Variants in HDAC4 observed in about 807,000 individuals in gnomAD.
HDAC4 encodes histone deacetylase A.
HDAC4 carries 16 observed loss-of-function variants against 135.1 expected under a neutral mutation model. The ratio of observed to expected loss-of-function variants is 0.12; its 90% CI spans 0.08 to 0.18. HDAC4 has a LOEUF of 0.18. Ranked by LOEUF, HDAC4 falls within the 10% of genes least tolerant of loss-of-function variation. HDAC4 has a pLI of 1.00. For missense variants in HDAC4, 1,143 were observed against 1,511.8 expected (o/e 0.76, Z 4.05); for synonymous variants, 685 against 653.4 (o/e 1.05, Z -0.74).
intron 1 of HDAC4, among the ~76,000 whole-genome samples, chr2:239,353,824 C>A (rs957325014): frequency 6.6e-6 from 1 of 152,124 alleles, no homozygotes; most frequent in African/African-American, 2.4e-5. Context: ...AGCACATTCC[C>A]ACCACAAAAT....
At chr2:239,168,788 C>CCA (rs1205949928) in intron 5 of HDAC4, among the ~76,000 whole-genome samples, 3 of 152,220 alleles carry the variant, frequency 2.0e-5, no homozygotes, top group Admixed American at 1.3e-4. Flanking sequence ...CACCACAAGA[C>CCA]CACACTCTGA....
rs1424437465 is a variant in HDAC4 at position 239,245,512 on chromosome 2, A to G, written c.23-8848T>C. ...ATCATGATTCCTTCTGCTGAGTGTGATAATGGGGTTGGATCTGTTAGAAAC... is the reference window on the plus strand; with the variant it reads ...ATCATGATTCCTTCTGCTGAGTGTGGTAATGGGGTTGGATCTGTTAGAAAC... On this transcript the variant is annotated intron_variant, in intron 2 of 26. Transcript: ENST00000543185. This position sits in a 1 kb window ranked among gnomAD's most constrained non-coding sequence, Gnocchi z 4.4. Among the ~76,000 whole-genome samples the G allele has an allele frequency of 6.6e-6, 1 of 152,198 alleles. No individual in the cohort carries two copies. The highest frequency in any genetic ancestry group is 1.5e-5 in the Non-Finnish European group (1 of 68,032).
At chr2:239,272,899 G>A (rs1349190021) in intron 2 of HDAC4, among the ~76,000 whole-genome samples, 2 of 152,162 alleles carry the variant, frequency 1.3e-5, no homozygotes, top group Admixed American at 6.5e-5. Context: ...CTATATTCCT[G>A]CAACGGCTTC....
At chr2:239,150,866 C>G (rs2042079104) in intron 7 of HDAC4, among the ~76,000 whole-genome samples, 2 of 148,844 alleles carry the variant, frequency 1.3e-5, no homozygotes, top group Non-Finnish European at 3.0e-5. Context: ...TCTCACCATG[C>G]TGCACCTCCG....
intron 2 of HDAC4, among the ~76,000 whole-genome samples, chr2:239,316,557 G>C (rs1412147822): frequency 6.6e-6 from 1 of 152,228 alleles, no homozygotes; most frequent in African/African-American, 2.4e-5. Flanking sequence ...GTAGTGAGCT[G>C]TGATTCTACC....
intron 16 of HDAC4, among the ~76,000 whole-genome samples, chr2:239,096,232 G>T (rs2037017448): frequency 6.6e-6 from 1 of 152,082 alleles, no homozygotes; most frequent in Non-Finnish European, 1.5e-5. Context: ...TGCCTGGCTG[G>T]GAAGAGCAAC....
At chr2:239,084,034 G>C in intron 20 of HDAC4, 121 bp downstream of exon 20, 1 of 747,446 alleles carries the variant, frequency 1.3e-6, no homozygotes, top group Non-Finnish European at 2.4e-6. Context: ...CTTTGAGACC[G>C]TTTCCAGAAA....
intron 1 of HDAC4, among the ~76,000 whole-genome samples, chr2:239,388,762 G>C (rs1471407201): frequency 1.3e-5 from 2 of 152,224 alleles, no homozygotes; most frequent in Non-Finnish European, 2.9e-5. Flanking sequence ...AGGGCCCCAG[G>C]CTTCTCTGCA....
chr2:239,054,676 G>A (rs945395741), intron 25 of HDAC4, 73 bp downstream of exon 25: 1 of 947,490 alleles, frequency 1.1e-6, no homozygotes, highest in Non-Finnish European at 1.7e-6. Flanking sequence ...GGTATAGGGG[G>A]ACAGGGATGG....
At chr2:239,263,248 G>A (rs947117406) in intron 2 of HDAC4, among the ~76,000 whole-genome samples, 2 of 150,156 alleles carry the variant, frequency 1.3e-5, no homozygotes, top group African/African-American at 4.9e-5. Context: ...CAGCCATCCC[G>A]AAGCCCGCCC....
At chr2:239,159,276 G>A (rs550538489) in intron 6 of HDAC4, among the ~76,000 whole-genome samples, 2 of 128,586 alleles carry the variant, frequency 1.6e-5, no homozygotes, top group Admixed American at 7.7e-5. Flanking sequence ...ACCCACTCAC[G>A]CCCACACCTC....
chr2:239,163,794 C>G lies in HDAC4; in HGVS notation c.611+9G>C. The G allele has an allele frequency of 1.2e-6, 2 of 1,614,106 alleles. No individual in the cohort carries two copies. Among genetic ancestry groups the G allele is most frequent in the Non-Finnish European group, 1.7e-6 (2 of 1,180,000 alleles). On this transcript the variant is annotated intron_variant, in intron 6 of 26. Coordinates refer to ENST00000543185, the MANE Select transcript of HDAC4 (RefSeq NM_001378414.1). The stretch of plus-strand genomic sequence containing the variant: ...AGGAGGCCGGGGTGCTCCCCACACC[C>G]ACACTTACCCGTACCAGTAGCGAGG...
chr2:239,389,737 C>T (rs544125233), intron 1 of HDAC4, among the ~76,000 whole-genome samples: 2 of 152,288 alleles, frequency 1.3e-5, no homozygotes, highest in Admixed American at 1.3e-4. Flanking sequence ...ACGCTACTGG[C>T]GGCTTTCCTC....
intron 4 of HDAC4, among the ~76,000 whole-genome samples, chr2:239,181,741 T>C (rs2044167007): frequency 6.6e-6 from 1 of 152,120 alleles, no homozygotes; most frequent in Admixed American, 6.5e-5. Context: ...TGCACCTAAA[T>C]ATTTAACCTC....
Position 239,146,789 on chromosome 2 carries a change from C to T in HDAC4, c.734-2075G>A, listed in dbSNP as rs1160914638. 1.3e-5 allele frequency among the ~76,000 whole-genome samples: 2 copies of T among 151,754 alleles called. No individual in the cohort carries two copies. Among genetic ancestry groups the T allele is most frequent in the African/African-American group, 4.8e-5 (2 of 41,260 alleles). ...GCTGCCCTGACCCCCCACAGCCCCA[C>T]TGCCCCCATCACAGCCCCACTGCCC... On this transcript the variant is annotated intron_variant, in intron 7 of 26. Transcript: ENST00000543185. The surrounding 1 kb of genome is among the most constrained non-coding windows in gnomAD (Gnocchi z 4.5).
At chr2:239,231,526 G>A (rs1016428027) in intron 3 of HDAC4, among the ~76,000 whole-genome samples, 3 of 152,260 alleles carry the variant, frequency 2.0e-5, no homozygotes, top group Non-Finnish European at 4.4e-5. Context: ...AGGGCCGTAA[G>A]CCCTCAGCAT....
chr2:239,168,640 C>T (rs1161564529), intron 5 of HDAC4, among the ~76,000 whole-genome samples: 1 of 152,156 alleles, frequency 6.6e-6, no homozygotes, highest in African/African-American at 2.4e-5. Context: ...GCTTCGTGTC[C>T]CCCGCGCCGG....
At position 239,176,398 on chromosome 2, in the gene HDAC4, C is replaced by T. The variant is rs201278922; in HGVS notation, c.490+15G>A. On this transcript the variant is annotated intron_variant, in intron 5 of 26. Transcript: ENST00000543185. ...GCCTCCCTCCCTCTGCCTGGCCTTC[C>T]GTGCCCACACTCACTCTCTTTGCCC... The T allele has an allele frequency of 1.6e-5, 25 of 1,608,254 alleles. No individual in the cohort carries two copies. Among genetic ancestry groups the T allele is most frequent in the African/African-American group, 6.7e-5 (5 of 74,442 alleles).
In HDAC4 at chr2:239,095,026, G is replaced by C; in HGVS notation, c.2264C>G (p.Pro755Arg). The change falls in exon 17 of 27, where the codon CCT (proline) becomes CGT (arginine). Residue 755 changes from proline (P) to arginine (R), a missense_variant. By Grantham distance (103) the Pro-to-Arg change is moderately radical. Around this residue, in one of 9 missense-constraint regions of HDAC4, gnomAD observed 49 missense variants for 55.6 expected, o/e 0.88. Transcript: ENST00000543185. ...AACACTTACCCCAACACCACCGCAA[G>C]GGAGCCGGACGAACACGGAGGCGAG... The part of the protein sequence containing the change: ...GSLASVFVRL[P>R]CGGVGVDSDT... 6 of 1,613,934 alleles carry C rather than the reference G, an allele frequency of 3.7e-6. No individual in the cohort carries two copies. Among genetic ancestry groups the C allele is most frequent in the Non-Finnish European group, 5.1e-6 (6 of 1,180,010 alleles).
Sources: allele counts gnomAD v4.1 joint callset (sites outside exome capture counted in the v4.1 genomes callset), GRCh38; gene constraint gnomAD v4.1.1; regional missense constraint gnomAD v4.1.1; non-coding constraint Gnocchi (gnomAD v3.1); transcripts MANE v1.5; gene names NCBI Gene and HGNC (gene_info 2026-07-23, HGNC 2026-07-21).